Variants in GSE1 observed in about 807,000 individuals in gnomAD.
GSE1 encodes genetic suppressor element 1.
In GSE1, 32 loss-of-function variants were observed where a neutral mutation model predicts 112.6. The observed-to-expected ratio is 0.28, with a 90% CI of 0.21 to 0.38. The LOEUF (loss-of-function observed/expected upper bound fraction) is 0.38, where lower values mean the gene tolerates loss of function less well. GSE1 is among the 10% of genes least tolerant of loss of function. The probability of loss-of-function intolerance (pLI) is 1.00; values close to 1 mark genes in which losing one functional copy is unlikely to be tolerated. For synonymous variants in GSE1, 1,115 were observed against 735.6 expected (o/e 1.52, Z -8.35); for missense variants, 2,348 against 1,699.2 (o/e 1.38, Z -6.71).
chr16:85,310,662 G>A (rs2045814082), intron 1 of GSE1, among the ~76,000 whole-genome samples: 1 of 152,126 alleles, frequency 6.6e-6, no homozygotes, highest in African/African-American at 2.4e-5. Context: ...GGCAGGGAGG[G>A]AGGGAGGGAG....
chr16:85,302,669 G>A (rs2045560367), intron 1 of GSE1, among the ~76,000 whole-genome samples: 1 of 152,212 alleles, frequency 6.6e-6, no homozygotes, highest in African/African-American at 2.4e-5. Flanking sequence ...AATCAAAAGA[G>A]CTGATTGGGC....
At chr16:85,243,137 C>T (rs942988867) in intron 1 of GSE1, among the ~76,000 whole-genome samples, 6 of 152,200 alleles carry the variant, frequency 3.9e-5, no homozygotes, top group African/African-American at 9.7e-5. Context: ...ATGCAGCCCC[C>T]GAGGAGACAC....
At chr16:85,515,352 T>A (rs1259755735) in intron 2 of GSE1, among the ~76,000 whole-genome samples, 1 of 152,138 alleles carries the variant, frequency 6.6e-6, no homozygotes, top group East Asian at 1.9e-4. Context: ...GCCAGCCTCC[T>A]GGGCCGTGGG....
At chr16:85,540,277 C>G (rs1003819973) in intron 2 of GSE1, among the ~76,000 whole-genome samples, 4 of 152,190 alleles carry the variant, frequency 2.6e-5, no homozygotes, top group African/African-American at 9.6e-5. Context: ...CCCCTTCATC[C>G]AGTTCAGGCC....
rs926266745 is a variant in GSE1, at chr16:85,510,699, T to A, written c.2465-123215T>A. ...GGAACCCTCCCACGGCTCCCATGCA[T>A]GAAGAGTGAAAGTCAGAGTTGCCCC... On this transcript the variant is annotated intron_variant, in intron 2 of 2. Coordinates refer to the GSE1 transcript ENST00000637419. 5.3e-5 allele frequency among the ~76,000 whole-genome samples: 8 copies of A among 152,304 alleles called. 1 individual carries two copies. The highest frequency in any genetic ancestry group is 6.5e-5 in the Admixed American group (1 of 15,308).
At chr16:85,172,333 G>A (rs1435365915) in intron 1 of GSE1, among the ~76,000 whole-genome samples, 1 of 152,138 alleles carries the variant, frequency 6.6e-6, no homozygotes, top group African/African-American at 2.4e-5. Flanking sequence ...CTTGCTTTAC[G>A]GCGGAGGGAA....
chr16:85,252,142 C>T (rs761899609), intron 1 of GSE1, among the ~76,000 whole-genome samples: 47 of 152,206 alleles, frequency 3.1e-4, no homozygotes, highest in Non-Finnish European at 5.3e-4. Flanking sequence ...GACGGAGCTT[C>T]GTACTGAGTA....
chr16:85,573,444 T>A (rs141935502), intron 1 of GSE1, among the ~76,000 whole-genome samples: 12 of 152,296 alleles, frequency 7.9e-5, no homozygotes, highest in South Asian at 6.2e-4. Flanking sequence ...CATGTTTTTG[T>A]GTGTCTGTAT....
At chr16:85,658,992 T>C (rs8049049) in intron 8 of GSE1, among the ~76,000 whole-genome samples, 107,818 of 152,200 alleles carry the variant, frequency 0.71, 38,281 homozygotes, top group East Asian at 0.91. Context: ...ATTGTGAACT[T>C]GGGGGCCTGA....
chr16:85,193,767 A>G (rs928678878), intron 1 of GSE1, among the ~76,000 whole-genome samples: 1 of 152,142 alleles, frequency 6.6e-6, no homozygotes, highest in Non-Finnish European at 1.5e-5. Flanking sequence ...CCAATTTTTA[A>G]AAGCATTTTA....
chr16:85,366,980 C>T (rs2047198145), intron 2 of GSE1, among the ~76,000 whole-genome samples: 1 of 152,162 alleles, frequency 6.6e-6, no homozygotes, highest in Admixed American at 6.5e-5. Flanking sequence ...GCCAGGGACC[C>T]CAGGGACAGA....
At chr16:85,423,900 C>T (rs989379211) in intron 2 of GSE1, among the ~76,000 whole-genome samples, 3 of 152,238 alleles carry the variant, frequency 2.0e-5, no homozygotes, top group Non-Finnish European at 4.4e-5. Context: ...CCCCTGAGGC[C>T]CCATCCAGGA....
chr16:85,555,240 G>A (rs1406375356), upstream of GSE1: 1 of 985,252 alleles, frequency 1.0e-6, no homozygotes, highest in African/African-American at 1.7e-5. Flanking sequence ...AATTGATCGA[G>A]GGGCTCTCCA....
At chr16:85,563,753 A>G (rs1020727647) in intron 1 of GSE1, among the ~76,000 whole-genome samples, 7 of 152,172 alleles carry the variant, frequency 4.6e-5, no homozygotes, top group African/African-American at 1.7e-4. Flanking sequence ...AAGTCACGGA[A>G]CATTGGACTT....
chr16:85,199,679 C>A (rs920506708), intron 1 of GSE1, among the ~76,000 whole-genome samples: 9 of 151,674 alleles, frequency 5.9e-5, no homozygotes, highest in Admixed American at 1.3e-4. Flanking sequence ...TTTTTTTTCT[C>A]TCTGAAGTCT....
At chr16:85,451,257 C>T (rs2049671631) in intron 2 of GSE1, among the ~76,000 whole-genome samples, 1 of 152,162 alleles carries the variant, frequency 6.6e-6, no homozygotes, top group South Asian at 2.1e-4. Context: ...CTTTTGTGGT[C>T]ATTCCCCACC....
At chr16:85,380,143 C>A (rs968504288) in intron 2 of GSE1, among the ~76,000 whole-genome samples, 4 of 152,196 alleles carry the variant, frequency 2.6e-5, no homozygotes, top group Admixed American at 1.3e-4. Context: ...AGCTGTGATC[C>A]TTTGTACTCA....
At chr16:85,309,911 C>G (rs548885673) in intron 1 of GSE1, among the ~76,000 whole-genome samples, 9 of 152,364 alleles carry the variant, frequency 5.9e-5, no homozygotes, top group African/African-American at 1.7e-4. Flanking sequence ...CCCTCACGCC[C>G]CAGCTCAGGA....
intron 4 of GSE1, 57 bp downstream of exon 4, chr16:85,654,507 G>T: frequency 6.9e-7 from 1 of 1,444,884 alleles, no homozygotes; most frequent in Non-Finnish European, 9.4e-7. Context: ...CAGTGCTCAG[G>T]GTCTGGGTCC....
Sources: allele counts gnomAD v4.1 joint callset (sites outside exome capture counted in the v4.1 genomes callset), GRCh38; gene constraint gnomAD v4.1.1; transcripts MANE v1.5; gene names NCBI Gene and HGNC (gene_info 2026-07-23, HGNC 2026-07-21).